The following PLXNA4 variants were observed in gnomAD, a reference collection of about 807,000 sequenced individuals.
PLXNA4 encodes the protein plexin-A4.
In PLXNA4, 44 loss-of-function variants were observed where a neutral mutation model predicts 191.8. That is an observed-to-expected ratio of 0.23 (90% CI 0.18 to 0.29). The LOEUF is 0.29. Ranked by LOEUF, PLXNA4 falls within the 10% of genes least tolerant of loss-of-function variation. PLXNA4 has a pLI of 1.00. For synonymous variants in PLXNA4, 1,082 were observed against 1,009.5 expected (o/e 1.07, Z -1.36); for missense variants, 1,800 against 2,488.8 (o/e 0.72, Z 5.89).
chr7:132,619,558 G>A (rs1236115860), intron 2 of PLXNA4, among the ~76,000 whole-genome samples: 1 of 152,212 alleles, frequency 6.6e-6, no homozygotes, highest in Non-Finnish European at 1.5e-5. Context: ...TTGACTAAAT[G>A]TTTTGTATTA....
intron 1 of PLXNA4, among the ~76,000 whole-genome samples, chr7:132,550,105 T>TAAA (rs1800494654): frequency 6.6e-6 from 1 of 152,172 alleles, no homozygotes; most frequent in Non-Finnish European, 1.5e-5. Flanking sequence ...ATACCCCACC[T>TAAA]GCTGCCCAAG....
chr7:132,175,978 C>G (rs1442417896), intron 20 of PLXNA4, among the ~76,000 whole-genome samples: 1 of 152,196 alleles, frequency 6.6e-6, no homozygotes, highest in Non-Finnish European at 1.5e-5. Context: ...CCCAATGTGG[C>G]TCTAGAGCCT....
At chr7:132,296,384 AG>A (rs1386927087) in intron 4 of PLXNA4, among the ~76,000 whole-genome samples, 6 of 152,092 alleles carry the variant, frequency 3.9e-5, no homozygotes, top group Non-Finnish European at 7.4e-5. Context: ...CAGTTCTCAA[AG>A]GGGGCTGATA....
At chr7:132,374,455 T>A (rs1255072265) in intron 3 of PLXNA4, among the ~76,000 whole-genome samples, 1 of 152,126 alleles carries the variant, frequency 6.6e-6, no homozygotes, top group African/African-American at 2.4e-5. Context: ...TGTTGGGAGA[T>A]GCCAGGCCTA....
intron 29 of PLXNA4, among the ~76,000 whole-genome samples, 198 bp from the exon 30 acceptor site, chr7:132,141,009 T>A (rs1384564063): frequency 6.6e-6 from 1 of 152,146 alleles, no homozygotes; most frequent in Non-Finnish European, 1.5e-5. Flanking sequence ...TCCAGGAAAC[T>A]GAGGACTGGC....
At chr7:132,483,949 C>T (rs1177396843) in intron 3 of PLXNA4, among the ~76,000 whole-genome samples, 1 of 152,180 alleles carries the variant, frequency 6.6e-6, no homozygotes, top group African/African-American at 2.4e-5. Context: ...TTATTCAGGT[C>T]AGCAAGGAGG....
At chr7:132,502,125 C>T (rs1488337870) in intron 2 of PLXNA4, among the ~76,000 whole-genome samples, 2 of 152,226 alleles carry the variant, frequency 1.3e-5, no homozygotes, top group Non-Finnish European at 2.9e-5. Context: ...GGGATGCCTG[C>T]CTGGCCATTC....
At chr7:132,544,087 G>T (rs1800194809) in intron 1 of PLXNA4, among the ~76,000 whole-genome samples, 1 of 152,220 alleles carries the variant, frequency 6.6e-6, no homozygotes, top group African/African-American at 2.4e-5. Context: ...GAGTGGGATT[G>T]AAAGAGAAAG....
At chr7:132,583,476 G>A (rs1302111000) in intron 2 of PLXNA4, among the ~76,000 whole-genome samples, 4 of 152,220 alleles carry the variant, frequency 2.6e-5, no homozygotes, top group Non-Finnish European at 4.4e-5. Context: ...GCAGCTTCCA[G>A]AGAGCTCAGT....
At chr7:132,485,213 G>A (rs967118328) in intron 3 of PLXNA4, among the ~76,000 whole-genome samples, 2 of 152,188 alleles carry the variant, frequency 1.3e-5, no homozygotes, top group Admixed American at 1.3e-4. Flanking sequence ...ATGGATGCAT[G>A]TCCCGCAACA....
chr7:132,356,361 C>G (rs552762627), intron 3 of PLXNA4, among the ~76,000 whole-genome samples: 1 of 152,296 alleles, frequency 6.6e-6, no homozygotes, highest in South Asian at 2.1e-4. Context: ...ATTATAACCA[C>G]AGTAAACATT....
chr7:132,625,333 C>T (rs2116871978), intron 2 of PLXNA4, among the ~76,000 whole-genome samples: 1 of 152,316 alleles, frequency 6.6e-6, no homozygotes, highest in African/African-American at 2.4e-5. Context: ...TAACTCTGCT[C>T]TTCTGACATT....
chr7:132,402,698 G>T (rs912910031), intron 3 of PLXNA4, among the ~76,000 whole-genome samples: 1 of 152,154 alleles, frequency 6.6e-6, no homozygotes, highest in Non-Finnish European at 1.5e-5. Flanking sequence ...CTCCCGAGCC[G>T]CTCAGTCCAT....
intron 3 of PLXNA4, among the ~76,000 whole-genome samples, chr7:132,390,486 A>T (rs374447862): frequency 1.3e-5 from 2 of 152,302 alleles, no homozygotes; most frequent in East Asian, 3.9e-4. Flanking sequence ...TGATGAGTGC[A>T]GCAAACCACC....
At chr7:132,173,340 G>A (rs10257687) in intron 21 of PLXNA4, among the ~76,000 whole-genome samples, 4 of 151,716 alleles carry the variant, frequency 2.6e-5, no homozygotes, top group African/African-American at 9.7e-5. Flanking sequence ...TACACGTTAT[G>A]TTTTTATTTA....
chr7:132,315,587 G>T (rs772007699), intron 3 of PLXNA4, among the ~76,000 whole-genome samples: 1 of 152,096 alleles, frequency 6.6e-6, no homozygotes, highest in Non-Finnish European at 1.5e-5. Context: ...TCTCATTTTC[G>T]ATCAGATATT....
At chr7:132,231,114 C>T (rs1455214775) in intron 5 of PLXNA4, among the ~76,000 whole-genome samples, 1 of 152,220 alleles carries the variant, frequency 6.6e-6, no homozygotes, top group African/African-American at 2.4e-5. Flanking sequence ...AGGGAAGCCA[C>T]CTGTAATTTA....
intron 3 of PLXNA4, among the ~76,000 whole-genome samples, chr7:132,389,385 G>A (rs182015055): frequency 6.6e-6 from 1 of 152,278 alleles, no homozygotes; most frequent in East Asian, 1.9e-4. Flanking sequence ...TTCTTCTAGG[G>A]TTTTCATGGT....
At chr7:132,192,290 G>C (rs922271341) in intron 14 of PLXNA4, among the ~76,000 whole-genome samples, 1 of 152,172 alleles carries the variant, frequency 6.6e-6, no homozygotes, top group African/African-American at 2.4e-5. Context: ...AACCCCCACA[G>C]CCAGAACCAT....
Sources: gnomAD v4.1 joint callset for allele counts (sites outside exome capture counted in the v4.1 genomes callset) on GRCh38, gnomAD v4.1.1 for gene constraint, MANE v1.5 for transcripts, NCBI Gene and HGNC (gene_info 2026-07-23, HGNC 2026-07-21) for gene names.